Variants in ANKH observed in about 807,000 individuals in gnomAD.
ANKH encodes mineralization regulator ANKH.
A neutral mutation model predicts 49.0 loss-of-function variants in ANKH; 15 were observed. The ratio of observed to expected loss-of-function variants is 0.31; its 90% confidence interval spans 0.20 to 0.47. The LOEUF (loss-of-function observed/expected upper bound fraction) is 0.47. Among genes scored for constraint, ANKH ranks in the 20% least tolerant of loss-of-function variants. The probability of loss-of-function intolerance (pLI) is 1.00; values close to 1 mark genes in which losing one functional copy is unlikely to be tolerated. For synonymous variants in ANKH, 273 were observed against 260.0 expected, an observed-to-expected ratio of 1.05 and a Z score of -0.48; for missense variants, 429 against 652.0, an observed-to-expected ratio of 0.66 and a Z score of 3.72.
At chr5:14,810,886 C>A (rs567578974) in intron 1 of ANKH, among the ~76,000 whole-genome samples, 1 of 152,292 alleles carries the variant, frequency 6.6e-6, no homozygotes, top group East Asian at 1.9e-4. Context: ...ACCTAGACTA[C>A]TGGGTGGGAT....
intron 8 of ANKH, among the ~76,000 whole-genome samples, chr5:14,735,611 T>C (rs1338152554): frequency 2.6e-5 from 4 of 152,188 alleles, no homozygotes; most frequent in Admixed American, 6.5e-5. Flanking sequence ...CAGAGGCACA[T>C]GCCCTCTGAA....
chr5:14,714,872 C>G (rs1050332523), intron 9 of ANKH, among the ~76,000 whole-genome samples: 10 of 152,230 alleles, frequency 6.6e-5, no homozygotes, highest in Non-Finnish European at 1.3e-4. Context: ...AGCTGGGGCA[C>G]TCCAGGCCCC....
Position 14,860,483 on chromosome 5 carries a change from A to G in ANKH, c.96+10869T>C, listed in dbSNP as rs1214108457. On this transcript the variant is annotated intron_variant, in intron 1 of 11. Coordinates refer to ENST00000284268, the MANE Select transcript of ANKH (RefSeq NM_054027.6). Reference sequence around the variant, plus strand: ...GTCCCAGCCACAGTGAATTTCCTCTAAACCATTTAAAGCACTAAGAAGTCA... The same window carrying G: ...GTCCCAGCCACAGTGAATTTCCTCTGAACCATTTAAAGCACTAAGAAGTCA... Among the ~76,000 whole-genome samples the G allele has an allele frequency of 3.9e-5, 6 of 152,292 alleles. No individual in the cohort carries two copies. In the East Asian group the frequency reaches 9.6e-4, roughly 24 times the overall value.
At chr5:14,749,101 G>C in intron 6 of ANKH, 71 bp downstream of exon 6, 1 of 1,601,748 alleles carries the variant, frequency 6.2e-7, no homozygotes, top group Non-Finnish European at 8.5e-7. Flanking sequence ...AGAAGAACTG[G>C]AAATCAGTTT....
chr5:14,716,640 C>A, intron 9 of ANKH, 66 bp downstream of exon 9: 1 of 1,604,598 alleles, frequency 6.2e-7, no homozygotes, highest in Non-Finnish European at 8.5e-7. Flanking sequence ...GCAAACATTT[C>A]CAAAGAAAGA....
intron 1 of ANKH, among the ~76,000 whole-genome samples, chr5:14,800,858 G>A (rs563021555): frequency 2.6e-5 from 4 of 151,342 alleles, no homozygotes; most frequent in African/African-American, 9.7e-5. Flanking sequence ...TCGGGTAGCT[G>A]GGACCACAGA....
At chr5:14,839,524 C>T (rs964848806) in intron 1 of ANKH, among the ~76,000 whole-genome samples, 1 of 139,388 alleles carries the variant, frequency 7.2e-6, no homozygotes, top group Non-Finnish European at 1.6e-5. Context: ...AAAAAAAAAA[C>T]CCACAGAGAT....
intron 1 of ANKH, among the ~76,000 whole-genome samples, chr5:14,783,320 A>ACACACAC (rs897402393): frequency 6.6e-6 from 1 of 151,648 alleles, no homozygotes; most frequent in Admixed American, 6.6e-5. Flanking sequence ...ACACACACAC[A>ACACACAC]CACACACACA....
chr5:14,789,940 G>A (rs779339607), intron 1 of ANKH, among the ~76,000 whole-genome samples: 2 of 152,100 alleles, frequency 1.3e-5, no homozygotes, highest in Non-Finnish European at 2.9e-5. Context: ...GAACTCCTGG[G>A]CTCAAGCGAT....
intron 1 of ANKH, among the ~76,000 whole-genome samples, chr5:14,791,999 C>T (rs1400185512): frequency 2.0e-5 from 3 of 152,148 alleles, no homozygotes; most frequent in Non-Finnish European, 4.4e-5. Context: ...AGGCATAGGA[C>T]AAAAATGGTG....
At chr5:14,760,136 A>G (rs1561042588) in intron 2 of ANKH, among the ~76,000 whole-genome samples, 1 of 152,150 alleles carries the variant, frequency 6.6e-6, no homozygotes, top group African/African-American at 2.4e-5. Context: ...GCTGCCAGGT[A>G]AGCAAAGGTG....
intron 1 of ANKH, among the ~76,000 whole-genome samples, chr5:14,864,698 T>G (rs1237665211): frequency 1.3e-5 from 2 of 152,244 alleles, no homozygotes; most frequent in African/African-American, 4.8e-5. Context: ...AACTTTATAT[T>G]GCAAAAACAA....
At chr5:14,818,985 A>C (rs1741123426) in intron 1 of ANKH, among the ~76,000 whole-genome samples, 1 of 152,228 alleles carries the variant, frequency 6.6e-6, no homozygotes, top group Non-Finnish European at 1.5e-5. Flanking sequence ...AAAAACAATT[A>C]AACAGAAATC....
At chr5:14,756,025 C>A in intron 3 of ANKH, 81 bp from the exon 4 acceptor site, 2 of 1,217,234 alleles carry the variant, frequency 1.6e-6, no homozygotes, top group South Asian at 1.2e-5. Flanking sequence ...ACTGGGCATT[C>A]CTGAAATACA....
At chr5:14,790,943 G>T (rs10056408) in intron 1 of ANKH, among the ~76,000 whole-genome samples, 19,460 of 152,082 alleles carry the variant, frequency 0.13, 1,384 homozygotes, top group African/African-American at 0.18. Context: ...CCTCCTGTGT[G>T]TATTAGGGCC....
intron 2 of ANKH, among the ~76,000 whole-genome samples, chr5:14,760,148 C>A (rs1739031099): frequency 6.6e-6 from 1 of 152,038 alleles, no homozygotes; most frequent in African/African-American, 2.4e-5. Flanking sequence ...GCAAAGGTGC[C>A]AGGTGTGGTA....
intron 1 of ANKH, among the ~76,000 whole-genome samples, chr5:14,826,350 C>A (rs78757652): frequency 3.9e-5 from 6 of 152,316 alleles, no homozygotes; most frequent in Non-Finnish European, 7.4e-5. Context: ...ACTAAGTTAT[C>A]TCTCTACCAA....
chr5:14,753,953 CACTACCA>C (rs983332450), intron 4 of ANKH, among the ~76,000 whole-genome samples: 1 of 152,206 alleles, frequency 6.6e-6, no homozygotes, highest in African/African-American at 2.4e-5. Context: ...TCCATTTGCT[CACTACCA>C]ACTTAGGTAT....
intron 1 of ANKH, among the ~76,000 whole-genome samples, chr5:14,801,416 T>C (rs1159708740): frequency 6.6e-6 from 1 of 152,232 alleles, no homozygotes; most frequent in African/African-American, 2.4e-5. Flanking sequence ...ACTGAAAGTA[T>C]ACTCTAAGGA....
Sources: gnomAD v4.1 joint callset for allele counts (sites outside exome capture counted in the v4.1 genomes callset) on GRCh38, gnomAD v4.1.1 for gene constraint, MANE v1.5 for transcripts, NCBI Gene and HGNC (gene_info 2026-07-23, HGNC 2026-07-21) for gene names.